TUSC3: variants seen among roughly 807,000 people sequenced by gnomAD.
The protein encoded by TUSC3 is tumor suppressor candidate 3.
A neutral mutation model predicts 44.8 loss-of-function variants in TUSC3; 45 were observed. That is an observed-to-expected ratio of 1.00 (90% CI 0.79 to 1.29). The LOEUF is 1.29. TUSC3 is among the 50% of genes most tolerant of loss of function. The probability of loss-of-function intolerance (pLI) is 0.00; values close to 1 mark genes in which losing one functional copy is unlikely to be tolerated. For synonymous variants in TUSC3, 212 were observed against 152.9 expected (o/e 1.39, Z -2.85); for missense variants, 519 against 437.9 (o/e 1.19, Z -1.65).
the TUSC3 span, among the ~76,000 whole-genome samples, chr8:15,795,998 A>G: frequency 6.6e-6 from 1 of 152,202 alleles, no homozygotes; most frequent in African/African-American, 2.4e-5. Context: ...TGCTTAGTGT[A>G]GGCTTCCAAG....
intron 6 of TUSC3, among the ~76,000 whole-genome samples, chr8:15,684,803 C>G (rs1808561955): frequency 6.6e-6 from 1 of 152,170 alleles, no homozygotes; most frequent in South Asian, 2.1e-4. Flanking sequence ...GGTTTGTTCT[C>G]TAGCCCCTGG....
intron 2 of TUSC3, among the ~76,000 whole-genome samples, chr8:15,524,410 G>C (rs142296476): frequency 8.5e-4 from 129 of 152,166 alleles, no homozygotes; most frequent in African/African-American, 2.8e-3. Context: ...ATTTACCTTT[G>C]AGTTTGGAAT....
At chr8:15,460,503 C>A (rs1420991610) in intron 1 of TUSC3, among the ~76,000 whole-genome samples, 1 of 152,126 alleles carries the variant, frequency 6.6e-6, no homozygotes, top group Non-Finnish European at 1.5e-5. Context: ...ACTCTGCTGA[C>A]TGTTCCTTTT....
At chr8:15,616,668 GGCTGT>G in intron 1 of TUSC3, among the ~76,000 whole-genome samples, 2 of 152,266 alleles carry the variant, frequency 1.3e-5, no homozygotes, top group South Asian at 4.2e-4. Context: ...CATTCATTCT[GGCTGT>G]GCTGTGGGTG....
chr8:15,737,339 G>T (rs959273794), intron 7 of TUSC3, among the ~76,000 whole-genome samples: 1 of 152,008 alleles, frequency 6.6e-6, no homozygotes, highest in Non-Finnish European at 1.5e-5. Context: ...AGTAAACTTA[G>T]CATATGCAAT....
intron 6 of TUSC3, among the ~76,000 whole-genome samples, chr8:15,696,553 C>T (rs1052622078): frequency 6.6e-6 from 1 of 152,078 alleles, no homozygotes; most frequent in African/African-American, 2.4e-5. Context: ...AGAAGAGGGC[C>T]ACCGTCCTCC....
At chr8:15,658,971 G>C (rs1167644372) in intron 3 of TUSC3, among the ~76,000 whole-genome samples, 2 of 152,000 alleles carry the variant, frequency 1.3e-5, no homozygotes, top group African/African-American at 4.8e-5. Context: ...CTTGTTAAGA[G>C]CAGAAATGTT....
chr8:15,849,846 GTGTGGCTCAC>G, the TUSC3 span, among the ~76,000 whole-genome samples: 1 of 152,226 alleles, frequency 6.6e-6, no homozygotes, highest in East Asian at 1.9e-4. Context: ...ATGAGACTTT[GTGTGGCTCAC>G]TCCAGTGCTG....
At chr8:15,561,399 C>T (rs1400193053) in intron 1 of TUSC3, among the ~76,000 whole-genome samples, 1 of 140,484 alleles carries the variant, frequency 7.1e-6, no homozygotes, top group South Asian at 2.4e-4. Context: ...AACCACTGCT[C>T]TCTTAAAAGC....
At chr8:15,640,055 G>A (rs1010377832) in intron 2 of TUSC3, among the ~76,000 whole-genome samples, 13 of 152,140 alleles carry the variant, frequency 8.5e-5, no homozygotes, top group Admixed American at 8.5e-4. Flanking sequence ...TGGATTTTGG[G>A]AATTTTTCCA....
At chr8:15,537,641 G>A (rs75013199), upstream of TUSC3, among the ~76,000 whole-genome samples, 2,396 of 152,274 alleles carry the variant, frequency 0.016, 75 homozygotes, top group African/African-American at 0.053. Context: ...AAATCCCTAG[G>A]ACCCTGTGGA....
chr8:15,563,825 A>T (rs1190626242), intron 1 of TUSC3, among the ~76,000 whole-genome samples: 1 of 152,084 alleles, frequency 6.6e-6, no homozygotes, highest in African/African-American at 2.4e-5. Flanking sequence ...GCACTTGTAA[A>T]TAAGAATTAT....
In TUSC3 at chr8:15,587,826, T is replaced by C. The variant is rs372647474; in HGVS notation, c.139-35254T>C. Among the ~76,000 whole-genome samples, 9 of 152,292 alleles carry C rather than the reference T, an allele frequency of 5.9e-5. 1 individual carries two copies. The highest frequency in any genetic ancestry group is 2.2e-4 in the African/African-American group (9 of 41,564). ...ATTGAGAACATATATGATTTATCTT[T>C]CTGTGCTTGAGTTTTTAAAATTTAA... On this transcript the variant is annotated intron_variant, in intron 1 of 10. Transcript: ENST00000503731.
At chr8:15,438,556 C>T (rs1486638075) in intron 1 of TUSC3, among the ~76,000 whole-genome samples, 2 of 152,142 alleles carry the variant, frequency 1.3e-5, no homozygotes, top group East Asian at 1.9e-4. Flanking sequence ...TCCTGTGAAA[C>T]ACTGAAAGGC....
intron 4 of TUSC3, among the ~76,000 whole-genome samples, chr8:15,660,081 C>T (rs910066263): frequency 6.6e-6 from 1 of 152,000 alleles, no homozygotes; most frequent in Non-Finnish European, 1.5e-5. Context: ...TGTAACCATA[C>T]TAATAGCATG....
At chr8:15,719,751 C>A (rs1810222998) in intron 6 of TUSC3, among the ~76,000 whole-genome samples, 1 of 152,040 alleles carries the variant, frequency 6.6e-6, no homozygotes, top group East Asian at 1.9e-4. Context: ...AAGTAGAGAT[C>A]CTTCCATCCC....
At chr8:15,494,553 G>C (rs914001420) in intron 2 of TUSC3, among the ~76,000 whole-genome samples, 3 of 152,090 alleles carry the variant, frequency 2.0e-5, no homozygotes, top group Non-Finnish European at 4.4e-5. Context: ...TCTTGACGTC[G>C]TGATCTGCAC....
At chr8:15,710,599 C>G (rs1259881333) in intron 6 of TUSC3, among the ~76,000 whole-genome samples, 2 of 151,596 alleles carry the variant, frequency 1.3e-5, no homozygotes, top group Non-Finnish European at 2.9e-5. Context: ...CAGTTATGTT[C>G]CAGAGGTTGG....
intron 2 of TUSC3, among the ~76,000 whole-genome samples, chr8:15,513,856 C>A (rs1212521721): frequency 1.3e-5 from 2 of 152,106 alleles, no homozygotes; most frequent in Non-Finnish European, 2.9e-5. Context: ...TTCAGTCTAA[C>A]TTTTACTTGC....
Sources: gnomAD v4.1 joint callset for allele counts (sites outside exome capture counted in the v4.1 genomes callset) on GRCh38, gnomAD v4.1.1 for gene constraint, MANE v1.5 for transcripts, NCBI Gene and HGNC (gene_info 2026-07-23, HGNC 2026-07-21) for gene names.